The following ADGRB3 variants were observed in gnomAD, a reference collection of about 807,000 sequenced individuals.
ADGRB3 encodes adhesion G protein-coupled receptor B3.
In ADGRB3, 37 loss-of-function variants were observed where a neutral mutation model predicts 193.4. The ratio of observed to expected loss-of-function variants is 0.19; its 90% confidence interval spans 0.15 to 0.25. ADGRB3 has a LOEUF of 0.25. ADGRB3 is among the 10% of genes least tolerant of loss of function. The probability of loss-of-function intolerance (pLI) is 1.00; values close to 1 mark genes in which losing one functional copy is unlikely to be tolerated. For synonymous variants in ADGRB3, 690 were observed against 644.2 expected (o/e 1.07, Z -1.08); for missense variants, 1,637 against 1,852.9 (o/e 0.88, Z 2.14).
intron 20 of ADGRB3, among the ~76,000 whole-genome samples, chr6:69,250,830 T>C (rs191103128): frequency 1.9e-4 from 29 of 152,348 alleles, no homozygotes; most frequent in Middle Eastern, 3.4e-3. Flanking sequence ...ATAAATCATA[T>C]CGTGATTTAA....
chr6:68,913,189 G>A (rs1325554216), intron 3 of ADGRB3, among the ~76,000 whole-genome samples: 1 of 152,192 alleles, frequency 6.6e-6, no homozygotes, highest in Admixed American at 6.5e-5. Flanking sequence ...TCTGAAGAGA[G>A]CAGTGGTTTT....
intron 20 of ADGRB3, among the ~76,000 whole-genome samples, chr6:69,298,043 G>T (rs985221649): frequency 6.6e-6 from 1 of 151,990 alleles, no homozygotes; most frequent in South Asian, 2.1e-4. Context: ...GCACATGCAG[G>T]CACTCAGTGG....
intron 29 of ADGRB3, among the ~76,000 whole-genome samples, chr6:69,368,418 G>C (rs541852625): frequency 6.6e-6 from 1 of 152,190 alleles, no homozygotes; most frequent in African/African-American, 2.4e-5. Context: ...GGCACATGCT[G>C]GTGGATTGAA....
At chr6:68,845,804 G>C (rs1412016432) in intron 3 of ADGRB3, among the ~76,000 whole-genome samples, 2 of 152,092 alleles carry the variant, frequency 1.3e-5, no homozygotes, top group Non-Finnish European at 2.9e-5. Flanking sequence ...TCAGCATTGT[G>C]AAAATGAAAT....
intron 3 of ADGRB3, among the ~76,000 whole-genome samples, chr6:68,660,038 CAAAG>C (rs1199362631): frequency 5.3e-5 from 8 of 150,846 alleles, no homozygotes; most frequent in Middle Eastern, 3.4e-3. Context: ...ATAAATGTGA[CAAAG>C]AAAGCCGGTT....
At chr6:69,192,232 T>G (rs1271938804) in intron 17 of ADGRB3, among the ~76,000 whole-genome samples, 1 of 152,146 alleles carries the variant, frequency 6.6e-6, no homozygotes, top group Non-Finnish European at 1.5e-5. Context: ...CAGTGCAGCC[T>G]TCAGTCTGCG....
chr6:69,000,753 T>C (rs1248655346), intron 11 of ADGRB3, among the ~76,000 whole-genome samples: 1 of 152,226 alleles, frequency 6.6e-6, no homozygotes, highest in African/African-American at 2.4e-5. Context: ...ACTTTGTGCA[T>C]GTCCACAGTT....
intron 3 of ADGRB3, among the ~76,000 whole-genome samples, chr6:68,849,166 A>G (rs116809129): frequency 0.01 from 1,591 of 152,088 alleles, 26 homozygotes; most frequent in African/African-American, 0.036. Context: ...ATGAAAAGAG[A>G]TATAAGAAAA....
intron 3 of ADGRB3, among the ~76,000 whole-genome samples, chr6:68,925,750 A>G (rs1462985360): frequency 6.6e-6 from 1 of 152,000 alleles, no homozygotes; most frequent in Non-Finnish European, 1.5e-5. Flanking sequence ...TAATATTTTG[A>G]TTATAATAGT....
chr6:68,891,448 T>C (rs1427699292), intron 3 of ADGRB3, among the ~76,000 whole-genome samples: 1 of 152,212 alleles, frequency 6.6e-6, no homozygotes. Flanking sequence ...GAATGAATTT[T>C]ATTAAGGAAA....
At chr6:69,253,928 C>A (rs1334392403) in intron 20 of ADGRB3, among the ~76,000 whole-genome samples, 1 of 151,966 alleles carries the variant, frequency 6.6e-6, no homozygotes, top group Non-Finnish European at 1.5e-5. Context: ...GAAGGGCATG[C>A]CATTTTGACT....
At chr6:68,861,569 A>AAATAAAT (rs1765157425) in intron 3 of ADGRB3, among the ~76,000 whole-genome samples, 1 of 151,954 alleles carries the variant, frequency 6.6e-6, no homozygotes, top group Non-Finnish European at 1.5e-5. Context: ...CTCCAAAAAA[A>AAATAAAT]AAATAAATAA....
chr6:68,661,181 G>A (rs72897146), intron 3 of ADGRB3, among the ~76,000 whole-genome samples: 23 of 149,232 alleles, frequency 1.5e-4, no homozygotes, highest in Non-Finnish European at 2.4e-4. Context: ...TAGCCTTCAA[G>A]TCAGAGCCAC....
intron 17 of ADGRB3, among the ~76,000 whole-genome samples, chr6:69,150,667 T>C (rs1487923968): frequency 6.6e-6 from 1 of 152,196 alleles, no homozygotes; most frequent in East Asian, 1.9e-4. Context: ...TCTTCTTTCC[T>C]TAAACAAAAG....
rs561753189 is a variant in ADGRB3, at chr6:69,075,917, T to A, written c.2437-78T>A. 3.9e-5 allele frequency: 42 copies of A among 1,070,468 alleles called. No individual in the cohort carries two copies. In the African/African-American group the frequency reaches 5.4e-4, roughly 14 times the overall value. The allele number at this position is 1,070,468 out of a possible 1,614,324, so 66.3% of individuals were successfully genotyped here. A position where few individuals can be genotyped will look rare whatever the true frequency, so the allele number is the denominator to read the frequency against. ...ACAAGATAAGAAATCTTCCATTCTG[T>A]TTCTATTTCACATAATCCCTCAATC... On this transcript the variant is annotated intron_variant, in intron 16 of 31. Coordinates refer to ENST00000370598, the MANE Select transcript of ADGRB3 (RefSeq NM_001704.3).
At chr6:68,721,251 A>G (rs1203926808) in intron 3 of ADGRB3, among the ~76,000 whole-genome samples, 2 of 151,914 alleles carry the variant, frequency 1.3e-5, no homozygotes, top group African/African-American at 4.8e-5. Context: ...GATAGACTGG[A>G]TTAAGAAAAT....
chr6:69,259,937 G>A (rs899785460), intron 20 of ADGRB3, among the ~76,000 whole-genome samples: 1 of 151,992 alleles, frequency 6.6e-6, no homozygotes, highest in African/African-American at 2.4e-5. Context: ...TTAACAACAG[G>A]AGAAAAGTTA....
chr6:69,148,051 C>A (rs1407755176), intron 17 of ADGRB3, among the ~76,000 whole-genome samples: 4 of 152,182 alleles, frequency 2.6e-5, no homozygotes, highest in African/African-American at 9.6e-5. Context: ...CTCTTGTAGG[C>A]AAAAGATCAC....
intron 8 of ADGRB3, among the ~76,000 whole-genome samples, chr6:68,963,933 G>A (rs1562102305): frequency 6.6e-6 from 1 of 152,028 alleles, no homozygotes. Flanking sequence ...ATTCTTCACT[G>A]AGCCTAGTTA....
Sources: allele counts gnomAD v4.1 joint callset (sites outside exome capture counted in the v4.1 genomes callset), GRCh38; gene constraint gnomAD v4.1.1; transcripts MANE v1.5; gene names NCBI Gene and HGNC (gene_info 2026-07-23, HGNC 2026-07-21).